Variants in WDR72 observed in about 807,000 individuals in gnomAD.
WDR72 encodes the protein WD repeat-containing protein 72.
Under a neutral mutation model 124.2 loss-of-function variants are expected in WDR72, and 120 were observed. That is an observed-to-expected ratio of 0.97 (90% CI 0.83 to 1.12). The LOEUF is 1.12. WDR72 is among the 50% of genes most tolerant of loss of function. The probability of loss-of-function intolerance (pLI) is 0.00; values close to 1 mark genes in which losing one functional copy is unlikely to be tolerated. For synonymous variants in WDR72, 452 were observed against 441.7 expected (o/e 1.02, Z -0.29); for missense variants, 1,387 against 1,278.8 (o/e 1.08, Z -1.29).
At chr15:53,713,012 G>T (rs2017591095) in intron 6 of WDR72, 121 bp from the exon 7 acceptor site, 2 of 1,110,466 alleles carry the variant, frequency 1.8e-6, no homozygotes, top group East Asian at 5.1e-5. Context: ...AAGTATCTGA[G>T]TTACCTTTTG....
intron 6 of WDR72, among the ~76,000 whole-genome samples, chr15:53,713,521 G>C (rs1415437449): frequency 6.6e-6 from 1 of 150,678 alleles, no homozygotes; most frequent in Non-Finnish European, 1.5e-5. Context: ...CAGGATCTCG[G>C]CTCACTGCAA....
At chr15:53,578,172 A>G (rs1241890670) in intron 18 of WDR72, among the ~76,000 whole-genome samples, 1 of 152,150 alleles carries the variant, frequency 6.6e-6, no homozygotes, top group Non-Finnish European at 1.5e-5. Context: ...TGGAGATATA[A>G]TAGTGAGCAA....
intron 18 of WDR72, among the ~76,000 whole-genome samples, chr15:53,562,790 T>C (rs190667676): frequency 1.3e-5 from 2 of 151,922 alleles, no homozygotes; most frequent in Admixed American, 1.3e-4. Flanking sequence ...CACAAAGTTA[T>C]AATTAGACTT....
intron 18 of WDR72, among the ~76,000 whole-genome samples, chr15:53,574,841 T>C (rs1894691305): frequency 6.6e-6 from 1 of 151,998 alleles, no homozygotes; most frequent in Non-Finnish European, 1.5e-5. Context: ...TGAAGAAATA[T>C]ATATGGGTGG....
At position 53,562,214 on chromosome 15, in the gene WDR72, T is replaced by A. The variant is rs28403486; in HGVS notation, c.3148+34865A>T. 7.3e-3 allele frequency among the ~76,000 whole-genome samples: 1,103 copies of A among 151,912 alleles called. 16 individuals carry two copies. Among genetic ancestry groups the A allele is most frequent in the African/African-American group, 0.026 (1,074 of 41,484 alleles). ...AACATCCAGAACTTAAAACCAGTTATTTTTGACTACAGAGTTTACATTCTT... is the reference window on the plus strand; with the variant it reads ...AACATCCAGAACTTAAAACCAGTTAATTTTGACTACAGAGTTTACATTCTT... On this transcript the variant is annotated intron_variant, in intron 18 of 19. Transcript: ENST00000360509.
chr15:53,587,611 G>C (rs1163397346), intron 18 of WDR72, among the ~76,000 whole-genome samples: 1 of 151,902 alleles, frequency 6.6e-6, no homozygotes, highest in East Asian at 1.9e-4. Flanking sequence ...ATTTTCAAGG[G>C]AGCATTACAA....
At chr15:53,622,422 T>C (rs1460533707) in intron 14 of WDR72, among the ~76,000 whole-genome samples, 1 of 152,044 alleles carries the variant, frequency 6.6e-6, no homozygotes, top group Non-Finnish European at 1.5e-5. Flanking sequence ...GTGGTACATA[T>C]ATACCATGGA....
At chr15:53,595,223 G>T (rs1460455038) in intron 18 of WDR72, among the ~76,000 whole-genome samples, 1 of 152,058 alleles carries the variant, frequency 6.6e-6, no homozygotes, top group Non-Finnish European at 1.5e-5. Flanking sequence ...AATCAAAAGA[G>T]AGTTAATACC....
rs1375786857 is a variant in WDR72 at position 53,517,083 on chromosome 15, A to T, written c.*616T>A. ...AAGTTCAAATTAACTCAACAGTACA[A>T]GGTTGGTCACTGTTATACTTTGTAT... On this transcript the variant is annotated 3_prime_UTR_variant, in exon 20 of 20. Transcript: ENST00000360509. 1.3e-5 allele frequency: 2 copies of T among 155,918 alleles called. No homozygotes were observed. The highest frequency in any genetic ancestry group is 2.8e-5 in the Non-Finnish European group (2 of 70,434). The allele number at this position is 155,918 out of a possible 1,614,324, so 9.7% of individuals were successfully genotyped here. A position where few individuals can be genotyped will look rare whatever the true frequency, so the allele number is the denominator to read the frequency against.
At position 53,616,147 on chromosome 15, in the gene WDR72, C is replaced by T; in HGVS notation, c.2059G>A (p.Glu687Lys). The stretch of plus-strand genomic sequence containing the variant: ...GGTAGCAAAAGTTCAACAAGGTTTT[C>T]CAGATCAAATAGAAGAATATGAAAG... ...VGFHILLFDL[E>K]NLVELLLPTP... The change falls in exon 15 of 20, where the codon GAA becomes AAA. Residue 687 changes from glutamate (E) to lysine (K), a missense_variant. By Grantham distance (56) the Glu-to-Lys change is moderately conservative (BLOSUM62 1). Coordinates refer to ENST00000360509, the MANE Select transcript of WDR72 (RefSeq NM_182758.4). The T allele has an allele frequency of 6.2e-7, 1 of 1,604,814 alleles. No homozygotes were observed. Among genetic ancestry groups the T allele is most frequent in the Non-Finnish European group, 8.5e-7 (1 of 1,175,246 alleles).
chr15:53,653,424 G>A (rs1220653843), intron 14 of WDR72, among the ~76,000 whole-genome samples: 1 of 152,102 alleles, frequency 6.6e-6, no homozygotes, highest in South Asian at 2.1e-4. Context: ...CCTGCATAAT[G>A]GTAAACTGAC....
intron 17 of WDR72, among the ~76,000 whole-genome samples, chr15:53,606,113 G>A (rs1378197150): frequency 1.3e-5 from 2 of 152,142 alleles, no homozygotes; most frequent in Non-Finnish European, 2.9e-5. Flanking sequence ...TACCGTCACA[G>A]AATCATAGAA....
At chr15:53,522,559 A>G (rs973269633) in intron 19 of WDR72, among the ~76,000 whole-genome samples, 3 of 152,100 alleles carry the variant, frequency 2.0e-5, no homozygotes, top group Non-Finnish European at 4.4e-5. Context: ...GCGTGTTTCA[A>G]AATGAAACAA....
At position 53,733,057 on chromosome 15, in the gene WDR72, C is replaced by G. The variant is rs148643501; in HGVS notation, c.93G>C (p.Thr31=). ...TAIMITDDQR[T]IVTGSQEGQL... Reference sequence around the variant, plus strand: ...GACCCTCTTGACTTCCAGTCACAATCGTTCGCTGGTCATCAGTGATCATGA... The same window carrying G: ...GACCCTCTTGACTTCCAGTCACAATGGTTCGCTGGTCATCAGTGATCATGA... The change falls in exon 2 of 20, where the codon ACG becomes ACC. Residue 31 remains threonine, a synonymous_variant. Transcript: ENST00000360509. 970 of 1,614,010 alleles carry G rather than the reference C, an allele frequency of 6.0e-4. 2 individuals are homozygous for G. Among genetic ancestry groups the G allele is most frequent in the Middle Eastern group, 8.3e-4 (5 of 6,060 alleles).
intron 14 of WDR72, among the ~76,000 whole-genome samples, chr15:53,638,525 T>A (rs1341875178): frequency 2.0e-5 from 3 of 151,632 alleles, no homozygotes; most frequent in Non-Finnish European, 2.9e-5. Context: ...CTTTAACATA[T>A]AAAATATCCT....
Position 53,665,742 on chromosome 15 carries a change from C to G in WDR72, c.1792G>C (p.Glu598Gln), listed in dbSNP as rs752807417. ...TGTLERHETG[E>Q]RARIILNCCD... ...CAATTAAGAATAATTCGTGCTCTTT[C>G]TCCTGTCTCATGTCTTTCCAAAGTG... Residue 598 changes from glutamate (E) to glutamine (Q), a missense_variant, in exon 14 of 20, where the codon GAA becomes CAA. By Grantham distance (29) the Glu-to-Gln change is conservative. Transcript: ENST00000360509. The G allele has an allele frequency of 6.2e-7, 1 of 1,613,818 alleles. No homozygotes were observed. Among genetic ancestry groups the G allele is most frequent in the Non-Finnish European group, 8.5e-7 (1 of 1,179,836 alleles).
intron 17 of WDR72, 44 bp from the exon 18 acceptor site, chr15:53,597,318 A>T: frequency 6.3e-7 from 1 of 1,595,912 alleles, no homozygotes. Flanking sequence ...GTATTATTAC[A>T]AATGCTTGGG....
intron 18 of WDR72, among the ~76,000 whole-genome samples, chr15:53,595,363 C>G (rs2012723251): frequency 6.6e-6 from 1 of 152,116 alleles, no homozygotes; most frequent in Non-Finnish European, 1.5e-5. Flanking sequence ...AACCATCCTC[C>G]CAACTCAGCC....
intron 14 of WDR72, among the ~76,000 whole-genome samples, chr15:53,626,487 G>A (rs191127214): frequency 5.9e-5 from 9 of 152,304 alleles, no homozygotes; most frequent in Non-Finnish European, 1.0e-4. Flanking sequence ...GGTGGACGGC[G>A]AGCCAAAGCT....
Sources: gnomAD v4.1 joint callset for allele counts (sites outside exome capture counted in the v4.1 genomes callset) on GRCh38, gnomAD v4.1.1 for gene constraint, MANE v1.5 for transcripts, NCBI Gene and HGNC (gene_info 2026-07-23, HGNC 2026-07-21) for gene names.